SLC45A4: variants seen among roughly 807,000 people sequenced by gnomAD.
SLC45A4 encodes the protein polyamine-transporter SLC45A4.
A neutral mutation model predicts 63.7 loss-of-function variants in SLC45A4; 32 were observed. That is an observed-to-expected ratio of 0.50 (90% CI 0.38 to 0.67). The LOEUF is 0.67. Ranked by LOEUF, SLC45A4 falls within the 30% of genes least tolerant of loss-of-function variation. SLC45A4 has a pLI of 0.00. For missense variants in SLC45A4, 1,027 were observed against 1,157.7 expected (o/e 0.89, Z 1.64); for synonymous variants, 535 against 510.0 (o/e 1.05, Z -0.66).
chr8:141,261,286 G>T (rs1330173093), intron 1 of SLC45A4, among the ~76,000 whole-genome samples: 1 of 152,122 alleles, frequency 6.6e-6, no homozygotes, highest in Non-Finnish European at 1.5e-5. Context: ...GGCAAAAACT[G>T]GAAGCATTCC....
rs576311294 is a variant in SLC45A4 at position 141,258,240 on chromosome 8, C to T, written c.-400-3611G>A. Among the ~76,000 whole-genome samples the T allele has an allele frequency of 9.2e-5, 14 of 152,208 alleles. No homozygotes were observed. In the South Asian group the frequency reaches 2.7e-3, roughly 29 times the overall value. On this transcript the variant is annotated intron_variant, in intron 1 of 8. Transcript: ENST00000517878. Reference sequence around the variant, plus strand: ...AGAGTCTCTCTAACAGGAAAGAAGGCGACGGTGGAGCCCTGCTTGGCTCCC... The same window carrying T: ...AGAGTCTCTCTAACAGGAAAGAAGGTGACGGTGGAGCCCTGCTTGGCTCCC...
chr8:141,265,366 T>C (rs575789923), intron 1 of SLC45A4, among the ~76,000 whole-genome samples: 28 of 152,194 alleles, frequency 1.8e-4, no homozygotes, highest in African/African-American at 6.0e-4. Flanking sequence ...GGAAAGCAGC[T>C]CTGAGAAGAG....
At chr8:141,268,447 A>G (rs1369099235) in intron 1 of SLC45A4, among the ~76,000 whole-genome samples, 1 of 152,164 alleles carries the variant, frequency 6.6e-6, no homozygotes, top group Non-Finnish European at 1.5e-5. Context: ...TGACCTCCGC[A>G]CTGGGGTGAC....
intron 2 of SLC45A4, chr8:141,224,886 A>T (rs972043774): frequency 7.9e-5 from 12 of 152,180 alleles, no homozygotes; most frequent in Non-Finnish European, 1.3e-4. Context: ...TCTCTATATG[A>T]TCATTTCTGT....
chr8:141,222,044 C>G (rs1052306410), intron 2 of SLC45A4, among the ~76,000 whole-genome samples: 3 of 152,244 alleles, frequency 2.0e-5, no homozygotes, highest in Non-Finnish European at 4.4e-5. Flanking sequence ...GCCTAAGGGG[C>G]AGCACACACT....
At chr8:141,277,857 T>C (rs185242590) in intron 1 of SLC45A4, among the ~76,000 whole-genome samples, 10 of 152,210 alleles carry the variant, frequency 6.6e-5, no homozygotes, top group African/African-American at 2.4e-4. Flanking sequence ...TTAGCCAGGA[T>C]GCTCTCGATC....
Position 141,211,524 on chromosome 8 carries a change from G to C in SLC45A4, c.*48C>G. On this transcript the variant is annotated 3_prime_UTR_variant, in exon 9 of 9. Coordinates refer to ENST00000517878, the MANE Select transcript of SLC45A4 (RefSeq NM_001286646.2). Reference sequence around the variant, plus strand: ...CGCTGCCCAAGGACAGGGCTGCCCTGGGCACAATGTGTCCAACTCGCTGAG... The same window carrying C: ...CGCTGCCCAAGGACAGGGCTGCCCTCGGCACAATGTGTCCAACTCGCTGAG... 1 of 1,612,854 alleles carries C rather than the reference G, an allele frequency of 6.2e-7. No homozygotes were observed. The highest frequency in any genetic ancestry group is 8.5e-7 in the Non-Finnish European group (1 of 1,179,794).
chr8:141,241,878 C>A (rs1467681302), intron 2 of SLC45A4, among the ~76,000 whole-genome samples: 1 of 152,236 alleles, frequency 6.6e-6, no homozygotes, highest in African/African-American at 2.4e-5. Flanking sequence ...CCTGGCCAGG[C>A]AGAAGTGGGG....
intron 2 of SLC45A4, chr8:141,230,146 A>G (rs769710741): frequency 2.2e-6 from 1 of 455,990 alleles, no homozygotes; most frequent in Non-Finnish European, 4.4e-6. Flanking sequence ...CGGCCCGGTG[A>G]GTAGACTCTT....
At chr8:141,293,269 A>G (rs980846661) in intron 1 of SLC45A4, among the ~76,000 whole-genome samples, 1 of 152,118 alleles carries the variant, frequency 6.6e-6, no homozygotes, top group Non-Finnish European at 1.5e-5. Context: ...CCTGGCCAAC[A>G]TGGTGAAACC....
chr8:141,282,751 G>C (rs147462226), intron 1 of SLC45A4, among the ~76,000 whole-genome samples: 3 of 152,240 alleles, frequency 2.0e-5, no homozygotes, highest in Non-Finnish European at 2.9e-5. Flanking sequence ...GGACGATGTC[G>C]CAAGAGTCTG....
Position 141,254,109 on chromosome 8 carries a change from C to G in SLC45A4, c.121G>C (p.Glu41Gln). 1 of 1,536,176 alleles carries G rather than the reference C, an allele frequency of 6.5e-7. No homozygotes were observed. Among genetic ancestry groups the G allele is most frequent in the Non-Finnish European group, 8.7e-7 (1 of 1,146,908 alleles). The change falls in exon 2 of 9, where the codon GAG becomes CAG. Residue 41 changes from glutamate to glutamine, a missense_variant. Transcript: ENST00000517878. This position sits in a 1 kb window ranked among gnomAD's most constrained non-coding sequence, Gnocchi z 4.5. ...AEAENCETIS[E>Q]GSIDRIPMRL... ...ATGGGGATTCGGTCTATGGACCCCT[C>G]GCTGATGGTCTCGCAGTTCTCGGCC... is the stretch of plus-strand genomic sequence containing the variant.
chr8:141,290,011 C>T (rs1215477617), intron 1 of SLC45A4, among the ~76,000 whole-genome samples: 5 of 152,108 alleles, frequency 3.3e-5, no homozygotes, highest in South Asian at 2.1e-4. Context: ...ACCCAGACAT[C>T]GCCCTACAAA....
chr8:141,264,533 T>C (rs1865246), intron 1 of SLC45A4, among the ~76,000 whole-genome samples: 1 of 151,916 alleles, frequency 6.6e-6, no homozygotes, highest in South Asian at 2.1e-4. Context: ...GCCAAGAACT[T>C]TATGAGCACG....
chr8:141,211,386 C>T lies in SLC45A4; in HGVS notation c.*186G>A, dbSNP rs897101692. On this transcript the variant is annotated 3_prime_UTR_variant, in exon 9 of 9. Transcript: ENST00000517878. ...GCTCGTCTGGAGCTCACGCTCCGCC[C>T]CCAGGTGGTGCCCAGCCCATCCCTG... 2 of 1,513,202 alleles carry T rather than the reference C, an allele frequency of 1.3e-6. No individual in the cohort carries two copies. The highest frequency in any genetic ancestry group is 2.8e-5 in the African/African-American group (2 of 71,400). The allele number at this position is 1,513,202 out of a possible 1,614,324, so 93.7% of individuals were successfully genotyped here.
chr8:141,306,453 C>CTAA (rs200771368), intron 1 of SLC45A4, among the ~76,000 whole-genome samples: 1 of 12,062 alleles, frequency 8.3e-5, no homozygotes, highest in Non-Finnish European at 4.7e-3. Context: ...GCTGCCTCTT[C>CTAA]TCATCAAGTG....
chr8:141,289,149 G>C (rs118076585), intron 1 of SLC45A4, among the ~76,000 whole-genome samples: 1 of 152,220 alleles, frequency 6.6e-6, no homozygotes, highest in Non-Finnish European at 1.5e-5. Flanking sequence ...CGGTGCCAGG[G>C]AACAGTGGGC....
intron 2 of SLC45A4, among the ~76,000 whole-genome samples, chr8:141,231,132 G>A (rs1388248940): frequency 6.6e-6 from 1 of 152,228 alleles, no homozygotes; most frequent in Admixed American, 6.5e-5. Flanking sequence ...AGGGCTTAAG[G>A]TCACCCCGGA....
chr8:141,249,159 G>A (rs1156564532), intron 2 of SLC45A4, among the ~76,000 whole-genome samples: 1 of 152,198 alleles, frequency 6.6e-6, no homozygotes, highest in Non-Finnish European at 1.5e-5. Flanking sequence ...GTCCTACGCT[G>A]CAGTGGGAAT....
Sources: gnomAD v4.1 joint callset for allele counts (sites outside exome capture counted in the v4.1 genomes callset) on GRCh38, gnomAD v4.1.1 for gene constraint, Gnocchi (gnomAD v3.1) non-coding constraint, MANE v1.5 for transcripts, NCBI Gene and HGNC (gene_info 2026-07-23, HGNC 2026-07-21) for gene names.